PHF2: variants seen among roughly 807,000 people sequenced by gnomAD.
The protein encoded by PHF2 is PHD finger protein 2.
A neutral mutation model predicts 120.5 loss-of-function variants in PHF2; 27 were observed. That is an observed-to-expected ratio of 0.22 (90% confidence interval 0.17 to 0.31). The LOEUF is 0.31. Among genes scored for constraint, PHF2 ranks in the 10% least tolerant of loss-of-function variants. The pLI is 1.00. For missense variants in PHF2, 1,024 were observed against 1,434.8 expected (o/e 0.71, Z 4.63); for synonymous variants, 568 against 592.5 (o/e 0.96, Z 0.60).
chr9:93,666,993 A>G (rs1826693060), intron 16 of PHF2, 87 bp from the exon 17 acceptor site: 1 of 1,049,346 alleles, frequency 9.5e-7, no homozygotes, highest in Non-Finnish European at 1.3e-6. Flanking sequence ...TTAGTCCCTG[A>G]AGGGAAAAAG....
intron 1 of PHF2, among the ~76,000 whole-genome samples, chr9:93,619,376 GTCCTGGGCTGGCA>G (rs566284002): frequency 3.3e-5 from 5 of 152,232 alleles, no homozygotes; most frequent in Non-Finnish European, 5.9e-5. Flanking sequence ...CTGATTCGGC[GTCCTGGGCTGGCA>G]TCCTGGGCTG....
rs1826793894 is a variant in PHF2, at chr9:93,671,606, G to A, written c.2349-1979G>A. On this transcript the variant is annotated intron_variant, in intron 17 of 21. Transcript: ENST00000359246. ...TGTGGGTGTGGGAGTAGGGTCAGGT[G>A]TAGATGCAGGTGTGGGTGTGGATGT... Among the ~76,000 whole-genome samples, 8 of 145,142 alleles carry A rather than the reference G, an allele frequency of 5.5e-5. No individual in the cohort carries two copies. The South Asian group carries it at 1.8e-3, about 33-fold the overall frequency.
intron 1 of PHF2, among the ~76,000 whole-genome samples, chr9:93,591,643 G>A (rs1220445673): frequency 6.6e-6 from 1 of 152,098 alleles, no homozygotes; most frequent in Non-Finnish European, 1.5e-5. Flanking sequence ...ATTCAGCTTC[G>A]ATCCTAGGAA....
chr9:93,578,758 G>A lies in PHF2; in HGVS notation c.98+1887G>A, dbSNP rs114798388. 6.6e-3 allele frequency among the ~76,000 whole-genome samples: 1,009 copies of A among 152,332 alleles called. 15 individuals carry two copies. Among genetic ancestry groups the A allele is most frequent in the African/African-American group, 0.023 (975 of 41,568 alleles). Reference sequence around the variant, plus strand: ...GGGCTGAGAGCTGGCCTGAGAGCTGGTTGGTGTCATTTGCTGTATTGGCCC... The same window carrying A: ...GGGCTGAGAGCTGGCCTGAGAGCTGATTGGTGTCATTTGCTGTATTGGCCC... On this transcript the variant is annotated intron_variant, in intron 1 of 21. Transcript: ENST00000359246.
chr9:93,633,773 T>C (rs1826046385), intron 2 of PHF2, among the ~76,000 whole-genome samples: 1 of 151,922 alleles, frequency 6.6e-6, no homozygotes, highest in South Asian at 2.1e-4. Flanking sequence ...AGGAGTGCAA[T>C]TGGTGAAATA....
intron 1 of PHF2, among the ~76,000 whole-genome samples, chr9:93,581,606 AG>A (rs1267436133): frequency 6.6e-6 from 1 of 152,174 alleles, no homozygotes; most frequent in Non-Finnish European, 1.5e-5. Flanking sequence ...TGTGTCTTGA[AG>A]GAAGCAAGGA....
intron 1 of PHF2, among the ~76,000 whole-genome samples, chr9:93,605,133 T>C (rs1003741872): frequency 6.6e-6 from 1 of 152,260 alleles, no homozygotes; most frequent in Non-Finnish European, 1.5e-5. Flanking sequence ...GTATATTTAT[T>C]ATGATTGATG....
intron 1 of PHF2, among the ~76,000 whole-genome samples, chr9:93,623,043 A>T (rs1042202590): frequency 2.1e-4 from 32 of 152,152 alleles, no homozygotes; most frequent in African/African-American, 7.7e-4. Context: ...CAGATGCTGC[A>T]GTGAGGGCAC....
intron 17 of PHF2, among the ~76,000 whole-genome samples, chr9:93,669,688 C>T (rs891182392): frequency 1.4e-4 from 22 of 152,202 alleles, no homozygotes; most frequent in Non-Finnish European, 4.4e-5. Flanking sequence ...GCAGTGGGTT[C>T]GGGCCTCAGC....
chr9:93,586,495 G>GGGCCAGCAGCC (rs1205209958), intron 1 of PHF2, among the ~76,000 whole-genome samples: 2 of 152,274 alleles, frequency 1.3e-5, no homozygotes, highest in Admixed American at 6.5e-5. Flanking sequence ...AGCTGGGGGA[G>GGGCCAGCAGCC]GGCCAGCAGC....
At chr9:93,671,246 G>A (rs1254153877) in intron 17 of PHF2, 2 of 943,218 alleles carry the variant, frequency 2.1e-6, no homozygotes, top group African/African-American at 1.8e-5. Flanking sequence ...GTAGGCACAG[G>A]TGTAGATGCA....
At chr9:93,611,772 C>T (rs1825639849) in intron 1 of PHF2, among the ~76,000 whole-genome samples, 1 of 152,170 alleles carries the variant, frequency 6.6e-6, no homozygotes. Context: ...GCCTCAGCTT[C>T]CTGAAGTGCT....
chr9:93,677,111 TGGTTGCATC>T lies in PHF2; in HGVS notation c.3202+149_3202+157del. On this transcript the variant is annotated intron_variant, in intron 21 of 21. Coordinates refer to ENST00000359246, the MANE Select transcript of PHF2 (RefSeq NM_005392.4). This position sits in a 1 kb window ranked among gnomAD's most constrained non-coding sequence, Gnocchi z 4.4. ...GGTGGCAGGGTGCTGTGGTCCAAGT[TGGTTGCATC>T]TTTGTGTGAGCGTATCCCACAGTAC... 9.8e-6 allele frequency: 8 copies of T among 817,576 alleles called. No individual in the cohort carries two copies. Among genetic ancestry groups the T allele is most frequent in the South Asian group, 4.2e-5 (2 of 47,538 alleles). 50.6% of individuals were successfully genotyped at this position (817,576 alleles called of 1,614,324 possible). A position where few individuals can be genotyped will look rare whatever the true frequency, so the allele number is the denominator to read the frequency against.
At chr9:93,643,697 G>T (rs1376353995) in intron 3 of PHF2, among the ~76,000 whole-genome samples, 21 of 152,072 alleles carry the variant, frequency 1.4e-4, no homozygotes, top group Non-Finnish European at 2.9e-4. Context: ...AACTTCTTTA[G>T]CTCTTCTGAG....
intron 1 of PHF2, among the ~76,000 whole-genome samples, chr9:93,614,806 A>G (rs1212605089): frequency 3.3e-5 from 5 of 151,914 alleles, no homozygotes; most frequent in African/African-American, 1.2e-4. Flanking sequence ...GATGGTAATG[A>G]TAGTGATGGT....
At chr9:93,645,291 C>T (rs143156390) in intron 3 of PHF2, among the ~76,000 whole-genome samples, 7 of 152,286 alleles carry the variant, frequency 4.6e-5, no homozygotes, top group South Asian at 2.1e-4. Context: ...GCCCGGGTGC[C>T]GGTGGTTGGG....
intron 12 of PHF2, among the ~76,000 whole-genome samples, chr9:93,662,565 TGG>T (rs1491256614): frequency 4.0e-4 from 26 of 64,874 alleles, no homozygotes; most frequent in South Asian, 2.9e-3. Flanking sequence ...GATGGATGGA[TGG>T]ATGGATGAAC....
chr9:93,627,263 TA>T (rs1341933585), intron 1 of PHF2, among the ~76,000 whole-genome samples: 2 of 152,194 alleles, frequency 1.3e-5, no homozygotes, highest in Non-Finnish European at 2.9e-5. Flanking sequence ...ATTATAATGG[TA>T]ATTGCTTTCT....
At chr9:93,594,711 C>T (rs868407667) in intron 1 of PHF2, 1 of 152,172 alleles carries the variant, frequency 6.6e-6, no homozygotes, top group Non-Finnish European at 1.5e-5. Context: ...ATGTGGATTG[C>T]AAGGTACATG....
Sources: allele counts gnomAD v4.1 joint callset (sites outside exome capture counted in the v4.1 genomes callset), GRCh38; gene constraint gnomAD v4.1.1; non-coding constraint Gnocchi (gnomAD v3.1); transcripts MANE v1.5; gene names NCBI Gene and HGNC (gene_info 2026-07-23, HGNC 2026-07-21).